RGPD4: variants seen among roughly 807,000 people sequenced by gnomAD.
RGPD4 encodes the protein ranBP2-like and GRIP domain-containing protein 4.
RGPD4 carries 84 observed loss-of-function variants against 141.1 expected under a neutral mutation model. That is an observed-to-expected ratio of 0.60 (90% CI 0.50 to 0.71). RGPD4 has a LOEUF of 0.71. Ranked by LOEUF, RGPD4 falls within the 30% of genes least tolerant of loss-of-function variation. The probability of loss-of-function intolerance (pLI) is 0.00; values close to 1 mark genes in which losing one functional copy is unlikely to be tolerated. For synonymous variants in RGPD4, 298 were observed against 566.8 expected (o/e 0.53, Z 6.74); for missense variants, 918 against 1,622.4 (o/e 0.57, Z 7.46).
At chr2:107,830,526 TCTTACA>T (rs1284120058) in intron 1 of RGPD4, among the ~76,000 whole-genome samples, 1 of 152,166 alleles carries the variant, frequency 6.6e-6, no homozygotes, top group African/African-American at 2.4e-5. Context: ...ATGGCACCTC[TCTTACA>T]CTTAGAGTCT....
Position 107,882,052 on chromosome 2 carries a change from G to A in RGPD4, c.5065-620G>A, listed in dbSNP as rs1675382232. Among the ~76,000 whole-genome samples the A allele has an allele frequency of 4.6e-5, 7 of 152,000 alleles. No individual in the cohort carries two copies. The South Asian group carries it at 1.5e-3, about 32-fold the overall frequency. ...TTTCTATCGAAAGTAGAAGGCAGAG[G>A]GAACATCTTGGTACCAACCCATGGC... On this transcript the variant is annotated intron_variant, in intron 21 of 22. Coordinates refer to ENST00000408999, the MANE Select transcript of RGPD4 (RefSeq NM_182588.3).
intron 7 of RGPD4, among the ~76,000 whole-genome samples, chr2:107,852,011 CGGGCGGATCACTTGAGGTCA>C: frequency 6.6e-6 from 1 of 151,394 alleles, no homozygotes; most frequent in Admixed American, 6.6e-5. Context: ...GAGGCTGAGG[CGGGCGGATCACTTGAGGTCA>C]GGAGTTTGAG....
intron 1 of RGPD4, among the ~76,000 whole-genome samples, chr2:107,833,155 C>A (rs1383636924): frequency 6.7e-6 from 1 of 148,446 alleles, no homozygotes; most frequent in Non-Finnish European, 1.5e-5. Context: ...TTGAGAACAG[C>A]AGCTTTTTTG....
intron 22 of RGPD4, among the ~76,000 whole-genome samples, chr2:107,884,031 T>C (rs1675440602): frequency 1.3e-5 from 2 of 151,992 alleles, no homozygotes; most frequent in South Asian, 4.2e-4. Flanking sequence ...GCCTGTGTTA[T>C]TGTGAATGTC....
At chr2:107,876,826 A>G (rs531018360) in intron 20 of RGPD4, among the ~76,000 whole-genome samples, 94 of 152,256 alleles carry the variant, frequency 6.2e-4, no homozygotes, top group African/African-American at 2.2e-3. Context: ...GTCGCACAAG[A>G]GATTGTAATC....
intron 6 of RGPD4, among the ~76,000 whole-genome samples, chr2:107,846,309 G>T (rs1159563143): frequency 6.6e-6 from 1 of 151,516 alleles, no homozygotes; most frequent in Non-Finnish European, 1.5e-5. Context: ...ATCGTGATCC[G>T]CCTGCCTTGG....
At chr2:107,865,922 T>C (rs985540909) in intron 17 of RGPD4, among the ~76,000 whole-genome samples, 1 of 138,386 alleles carries the variant, frequency 7.2e-6, no homozygotes, top group Admixed American at 7.2e-5. Flanking sequence ...TACAAAAAAT[T>C]AGCCTGGCGT....
In RGPD4 at chr2:107,854,473, A is replaced by G. The variant is rs1682234829; in HGVS notation, c.979-83A>G. On this transcript the variant is annotated intron_variant, in intron 7 of 22. Coordinates refer to ENST00000408999, the MANE Select transcript of RGPD4 (RefSeq NM_182588.3). ...TAACTGTTCATTCATTATCAAAAAA[A>G]GTACAGTGTAATAGATAAGACCATG... 7 of 770,264 alleles carry G rather than the reference A, an allele frequency of 9.1e-6. No individual in the cohort carries two copies. The South Asian group carries it at 9.6e-5, about 11-fold the overall frequency. The allele number at this position is 770,264 out of a possible 1,614,324, so 47.7% of individuals were successfully genotyped here.
At chr2:107,886,298 T>C (rs1167412255) in intron 22 of RGPD4, among the ~76,000 whole-genome samples, 1 of 80,218 alleles carries the variant, frequency 1.2e-5, no homozygotes, top group Non-Finnish European at 2.5e-5. Context: ...CAAGCAGTAT[T>C]AAAAAAAAAA....
At chr2:107,854,054 C>CT (rs1052579812) in intron 7 of RGPD4, among the ~76,000 whole-genome samples, 4,106 of 125,900 alleles carry the variant, frequency 0.033, 102 homozygotes, top group South Asian at 0.045. Context: ...TGGCCCCTCT[C>CT]TTTTTTTTTT....
intron 1 of RGPD4, among the ~76,000 whole-genome samples, chr2:107,833,911 C>T (rs910638231): frequency 3.9e-5 from 6 of 151,976 alleles, no homozygotes; most frequent in African/African-American, 1.5e-4. Flanking sequence ...TGGCGTGCGC[C>T]TGCAGTCCCA....
chr2:107,871,274 C>T lies in RGPD4; in HGVS notation c.3270C>T (p.Asn1090=), dbSNP rs555634733. The T allele has an allele frequency of 1.4e-4, 230 of 1,607,546 alleles. No individual in the cohort carries two copies. Among genetic ancestry groups the T allele is most frequent in the Middle Eastern group, 4.5e-4 (2 of 4,426 alleles). Residue 1090 remains asparagine (N), a synonymous_variant, in exon 20 of 23, where the codon AAC becomes AAT. Transcript: ENST00000408999. ...RGLGNLKILK[N]EVNGKPRMLM... ...TGGGGAACTTAAAAATTCTCAAAAA[C>T]GAGGTCAATGGCAAACCAAGAATGC... is the stretch of plus-strand genomic sequence containing the variant.
chr2:107,882,998 G>A, intron 22 of RGPD4, 125 bp downstream of exon 22: 1 of 918,584 alleles, frequency 1.1e-6, no homozygotes, highest in Non-Finnish European at 1.7e-6. Context: ...TGTCATATGA[G>A]TAGGCCGTGA....
At chr2:107,840,459 C>A in intron 4 of RGPD4, among the ~76,000 whole-genome samples, 1 of 152,182 alleles carries the variant, frequency 6.6e-6, no homozygotes, top group Non-Finnish European at 1.5e-5. Flanking sequence ...ACTACAGGCA[C>A]ATGTTACCGT....
Position 107,891,956 on chromosome 2 carries a change from G to A in RGPD4, c.*1225G>A, listed in dbSNP as rs1675668489. 1.8e-5 allele frequency among the ~76,000 whole-genome samples: 2 copies of A among 108,894 alleles called. No individual in the cohort carries two copies. Among genetic ancestry groups the A allele is most frequent in the African/African-American group, 3.6e-5 (1 of 27,892 alleles). The allele number at this position is 108,894 out of a possible 152,430, so 71.4% of individuals were successfully genotyped here. ...ATGTTTTAATGACTAGATCCAAACTGTGTTGTTCTTAAATCAAAAATTGGA... is the reference window on the plus strand; with the variant it reads ...ATGTTTTAATGACTAGATCCAAACTATGTTGTTCTTAAATCAAAAATTGGA... On this transcript the variant is annotated 3_prime_UTR_variant, in exon 23 of 23. Transcript: ENST00000408999.
rs192956102 is a variant in RGPD4 at position 107,836,537 on chromosome 2, A to G, written c.73-65A>G. ...CATAAACTTAGGGCAGATTTTTACT[A>G]CTTTTGAAAAAATGTTGGAAAATAT... On this transcript the variant is annotated intron_variant, in intron 1 of 22. Coordinates refer to ENST00000408999, the MANE Select transcript of RGPD4 (RefSeq NM_182588.3). The G allele has an allele frequency of 2.9e-3, 4,062 of 1,385,766 alleles. 91 individuals carry two copies. In the African/African-American group the frequency reaches 0.05, roughly 17 times the overall value. The allele number at this position is 1,385,766 out of a possible 1,614,324, so 85.8% of individuals were successfully genotyped here. A position where few individuals can be genotyped will look rare whatever the true frequency, so the allele number is the denominator to read the frequency against.
intron 6 of RGPD4, among the ~76,000 whole-genome samples, chr2:107,844,737 AT>A (rs1189655676): frequency 8.4e-6 from 1 of 118,424 alleles, no homozygotes. Flanking sequence ...GTATACTCAA[AT>A]TTTTTGGTCA....
chr2:107,875,514 G>A (rs1291002313), intron 20 of RGPD4, among the ~76,000 whole-genome samples: 8 of 141,802 alleles, frequency 5.6e-5, no homozygotes, highest in Admixed American at 1.5e-4. Flanking sequence ...TACATGGCAT[G>A]CTTCATGACT....
chr2:107,884,117 TTTTG>T (rs1675442353), intron 22 of RGPD4, among the ~76,000 whole-genome samples: 1 of 151,682 alleles, frequency 6.6e-6, no homozygotes, highest in Non-Finnish European at 1.5e-5. Context: ...GTTGTTGTGT[TTTTG>T]TTTGTTTGAG....
Sources: allele counts gnomAD v4.1 joint callset (sites outside exome capture counted in the v4.1 genomes callset), GRCh38; gene constraint gnomAD v4.1.1; transcripts MANE v1.5; gene names NCBI Gene and HGNC (gene_info 2026-07-23, HGNC 2026-07-21).